CENPP: variants seen among roughly 807,000 people sequenced by gnomAD.
CENPP encodes the protein centromere protein P.
In CENPP, 24 loss-of-function variants were observed where a neutral mutation model predicts 35.6. The observed-to-expected ratio is 0.67, with a 90% CI of 0.49 to 0.95. CENPP has a LOEUF of 0.95. Among genes scored for constraint, CENPP ranks in the 40% least tolerant of loss-of-function variants. The probability of loss-of-function intolerance (pLI) is 0.00; values close to 1 mark genes in which losing one functional copy is unlikely to be tolerated. For synonymous variants in CENPP, 120 were observed against 125.5 expected, an observed-to-expected ratio of 0.96 and a Z score of 0.29; for missense variants, 332 against 345.3, an observed-to-expected ratio of 0.96 and a Z score of 0.31.
chr9:92,351,493 AC>A (rs1206210779), intron 4 of CENPP, among the ~76,000 whole-genome samples: 1 of 144,212 alleles, frequency 6.9e-6, no homozygotes, highest in African/African-American at 2.6e-5. Context: ...AAAAAAAAAA[AC>A]CAGAAACTTT....
chr9:92,496,214 T>C, intron 5 of CENPP: 1 of 1,460,684 alleles, frequency 6.8e-7, no homozygotes, highest in Non-Finnish European at 9.0e-7. Context: ...CATATAATGA[T>C]ACTGAGTATA....
intron 5 of CENPP, among the ~76,000 whole-genome samples, chr9:92,449,683 C>A (rs1844652551): frequency 6.6e-6 from 1 of 151,842 alleles, no homozygotes; most frequent in African/African-American, 2.4e-5. Context: ...CGGATTTTCC[C>A]CTTGGAGCAG....
intron 5 of CENPP, among the ~76,000 whole-genome samples, chr9:92,429,398 A>G (rs1458804617): frequency 1.3e-5 from 2 of 152,356 alleles, no homozygotes; most frequent in East Asian, 1.9e-4. Flanking sequence ...GAAGACAATC[A>G]GTGAATACTT....
At chr9:92,548,221 G>A (rs1437735276) in intron 5 of CENPP, among the ~76,000 whole-genome samples, 1 of 120,190 alleles carries the variant, frequency 8.3e-6, no homozygotes, top group Non-Finnish European at 1.7e-5. Context: ...GCTTTGTGGG[G>A]TCTTTCACTG....
intron 2 of CENPP, among the ~76,000 whole-genome samples, chr9:92,336,260 A>G (rs1387962905): frequency 6.6e-6 from 1 of 152,232 alleles, no homozygotes; most frequent in Non-Finnish European, 1.5e-5. Flanking sequence ...ACATCTAATT[A>G]GGAAGCAAAT....
At chr9:92,466,459 A>C in intron 5 of CENPP, 1 of 1,610,962 alleles carries the variant, frequency 6.2e-7, no homozygotes, top group African/African-American at 1.3e-5. Flanking sequence ...GGGAAGATTA[A>C]GTGGTATTTC....
Position 92,619,535 on chromosome 9 carries a change from TG to T in CENPP, c.*6388del. 6.3e-7 allele frequency: 1 copy of T among 1,591,090 alleles called. No individual in the cohort carries two copies. Among genetic ancestry groups the T allele is most frequent in the Non-Finnish European group, 8.6e-7 (1 of 1,169,150 alleles). ...AGTGCAATCATGATGGAGCAGTCCT[TG>T]GCAGTCATGGCGACGCGGTACTGCT... is the stretch of plus-strand genomic sequence containing the variant. On this transcript the variant is annotated 3_prime_UTR_variant, in exon 8 of 8. Coordinates refer to ENST00000375587, the MANE Select transcript of CENPP (RefSeq NM_001012267.3).
intron 5 of CENPP, among the ~76,000 whole-genome samples, chr9:92,436,387 A>T (rs1382145233): frequency 6.6e-6 from 1 of 152,196 alleles, no homozygotes; most frequent in East Asian, 1.9e-4. Context: ...TCTTTCACAG[A>T]GCAAAAGTTT....
At chr9:92,514,535 A>C in intron 5 of CENPP, 2 of 1,457,224 alleles carry the variant, frequency 1.4e-6, no homozygotes, top group Admixed American at 2.4e-5. Context: ...TCAGCCTTTC[A>C]AAGTGCTGAG....
intron 5 of CENPP, among the ~76,000 whole-genome samples, chr9:92,486,939 G>A (rs1273803310): frequency 6.6e-6 from 1 of 151,986 alleles, no homozygotes; most frequent in Non-Finnish European, 1.5e-5. Flanking sequence ...AGGCCACCAC[G>A]CCTGGCTAAT....
chr9:92,603,516 C>G (rs1009417378), intron 5 of CENPP, among the ~76,000 whole-genome samples: 2 of 152,162 alleles, frequency 1.3e-5, no homozygotes, highest in African/African-American at 4.8e-5. Flanking sequence ...GTGCCAAGTC[C>G]AACAGACATG....
intron 4 of CENPP, among the ~76,000 whole-genome samples, chr9:92,364,461 T>C (rs1006608410): frequency 6.6e-6 from 1 of 152,064 alleles, no homozygotes; most frequent in African/African-American, 2.4e-5. Context: ...TTTGGTTCTT[T>C]GGGTTTTTTC....
At chr9:92,435,982 A>G (rs565938970) in intron 5 of CENPP, among the ~76,000 whole-genome samples, 1 of 152,348 alleles carries the variant, frequency 6.6e-6, no homozygotes, top group East Asian at 1.9e-4. Flanking sequence ...AAAACCTGGC[A>G]AACTATTTTC....
Position 92,561,627 on chromosome 9 carries a change from C to A in CENPP, c.565-49687C>A, listed in dbSNP as rs117574186. On this transcript the variant is annotated intron_variant, in intron 5 of 7. Transcript: ENST00000375587. ...AAAAACTACATTGAGTCATTTTTTA[C>A]CATAAGGGTGTACATTCAAAGCTTA... Among the ~76,000 whole-genome samples the A allele has an allele frequency of 5.3e-5, 8 of 152,224 alleles. 1 individual carries two copies. Among genetic ancestry groups the A allele is most frequent in the Non-Finnish European group, 1.2e-4 (8 of 68,004 alleles).
At chr9:92,529,870 C>A (rs900279629) in intron 5 of CENPP, among the ~76,000 whole-genome samples, 1 of 152,072 alleles carries the variant, frequency 6.6e-6, no homozygotes, top group African/African-American at 2.4e-5. Flanking sequence ...TATAGTCAGC[C>A]CTTTATATCA....
chr9:92,332,382 A>G (rs1588031930), intron 2 of CENPP, 31 bp downstream of exon 2: 2 of 1,433,772 alleles, frequency 1.4e-6, no homozygotes, highest in Non-Finnish European at 1.9e-6. Context: ...TAGACATAGT[A>G]TGGAAGCTTA....
rs1851543998 is a variant in CENPP at position 92,619,212 on chromosome 9, G to A, written c.*6063G>A. On this transcript the variant is annotated 3_prime_UTR_variant, in exon 8 of 8. Coordinates refer to ENST00000375587, the MANE Select transcript of CENPP (RefSeq NM_001012267.3). Reference sequence around the variant, plus strand: ...GCAGCTCACTGTCCACATTGTTTCTGAGCTCTTGGGAGTATTTTCTTAGAA... The same window carrying A: ...GCAGCTCACTGTCCACATTGTTTCTAAGCTCTTGGGAGTATTTTCTTAGAA... The A allele has an allele frequency of 2.5e-6, 1 of 395,132 alleles. No individual in the cohort carries two copies. Among genetic ancestry groups the A allele is most frequent in the Non-Finnish European group, 4.7e-6 (1 of 211,880 alleles). The allele number at this position is 395,132 out of a possible 1,614,324, so 24.5% of individuals were successfully genotyped here.
Position 92,618,546 on chromosome 9 carries a change from TGGTATCTTCGTG to T in CENPP, c.*5401_*5412del, listed in dbSNP as rs757996413. On this transcript the variant is annotated 3_prime_UTR_variant, in exon 8 of 8. Coordinates refer to ENST00000375587, the MANE Select transcript of CENPP (RefSeq NM_001012267.3). ...CCTTGGTCGGGGGGCTGCTGAACAG[TGGTATCTTCGTG>T]GGTTTTCTCTCATCGAACACCACCA... 1 of 456,652 alleles carries T rather than the reference TGGTATCTTCGTG, an allele frequency of 2.2e-6. No individual in the cohort carries two copies. The allele number at this position is 456,652 out of a possible 1,614,324, so 28.3% of individuals were successfully genotyped here.
intron 5 of CENPP, among the ~76,000 whole-genome samples, chr9:92,394,899 G>A (rs769587918): frequency 8.6e-5 from 13 of 152,020 alleles, no homozygotes; most frequent in East Asian, 1.9e-4. Context: ...GAGCCACCAC[G>A]CCCGGCCTAT....
Sources: gnomAD v4.1 joint callset for allele counts (sites outside exome capture counted in the v4.1 genomes callset) on GRCh38, gnomAD v4.1.1 for gene constraint, MANE v1.5 for transcripts, NCBI Gene and HGNC (gene_info 2026-07-23, HGNC 2026-07-21) for gene names.